The following TRPV3 variants were observed in gnomAD, a reference collection of about 807,000 sequenced individuals.
TRPV3 encodes the protein transient receptor potential cation channel subfamily V member 3.
TRPV3 carries 88 observed loss-of-function variants against 87.1 expected under a neutral mutation model. That is an observed-to-expected ratio of 1.01 (90% CI 0.85 to 1.21). TRPV3 has a LOEUF of 1.21. Among genes scored for constraint, TRPV3 ranks in the 50% most tolerant of loss-of-function variants. The pLI is 0.00. For missense variants in TRPV3, 1,054 were observed against 1,030.1 expected, an observed-to-expected ratio of 1.02 and a Z score of -0.32; for synonymous variants, 438 against 423.3, an observed-to-expected ratio of 1.03 and a Z score of -0.43.
chr17:3,524,239 C>T lies in TRPV3; in HGVS notation c.1702G>A (p.Gly568Ser). The T allele has an allele frequency of 6.2e-7, 1 of 1,614,246 alleles. No individual in the cohort carries two copies. The highest frequency in any genetic ancestry group is 8.5e-7 in the Non-Finnish European group (1 of 1,180,052). Residue 568 changes from glycine to serine, a missense_variant, in exon 13 of 18, where the codon GGT becomes AGT. By Grantham distance (56) the Gly-to-Ser change is moderately conservative (BLOSUM62 0). Transcript: ENST00000576742. ...CTGTACATGCCCATGGACTGGAAAC[C>T]CCGCGTATAGTAGAGCATGTTCGCC... Reference protein sequence around the residue: ...GWANMLYYTRGFQSMGMYSVM... With the variant: ...GWANMLYYTRSFQSMGMYSVM...
chr17:3,521,203 C>T (rs945623208), intron 13 of TRPV3, among the ~76,000 whole-genome samples, 164 bp from the exon 14 acceptor site: 37 of 146,728 alleles, frequency 2.5e-4, no homozygotes, highest in African/African-American at 9.3e-4. Context: ...CAAGGCTCAA[C>T]ACTGGATCCT....
At chr17:3,520,941 G>C in intron 14 of TRPV3, 32 bp downstream of exon 14, 1 of 1,427,076 alleles carries the variant, frequency 7.0e-7, no homozygotes, top group Non-Finnish European at 9.9e-7. Context: ...GTTTATAAAT[G>C]TGGGAGTTAC....
At chr17:3,514,523 G>T in intron 17 of TRPV3, 70 bp downstream of exon 17, 7 of 1,145,118 alleles carry the variant, frequency 6.1e-6, no homozygotes, top group South Asian at 1.2e-5. Flanking sequence ...AGGACCCTTA[G>T]ACTTGATCTG....
At chr17:3,524,387 C>T (rs561504089) in intron 12 of TRPV3, 24 bp from the exon 13 acceptor site, 75 of 1,612,532 alleles carry the variant, frequency 4.7e-5, no homozygotes, top group Middle Eastern at 1.7e-4. Context: ...ACAGGAGACA[C>T]GGGCCTTACT....
At chr17:3,529,845 A>T (rs997112270) in intron 9 of TRPV3, among the ~76,000 whole-genome samples, 182 bp downstream of exon 9, 1 of 128,874 alleles carries the variant, frequency 7.8e-6, no homozygotes, top group African/African-American at 2.9e-5. Context: ...AGTCGGGCCC[A>T]GCATCTGTCC....
At chr17:3,544,960 G>A (rs1271114478) in intron 3 of TRPV3, among the ~76,000 whole-genome samples, 1 of 152,192 alleles carries the variant, frequency 6.6e-6, no homozygotes, top group Admixed American at 6.5e-5. Context: ...GCTGCAGTGA[G>A]CTGAGATTGG....
intron 6 of TRPV3, among the ~76,000 whole-genome samples, chr17:3,536,173 C>T: frequency 1.3e-5 from 2 of 152,302 alleles, no homozygotes; most frequent in Admixed American, 1.3e-4. Flanking sequence ...GAGGGCAGAG[C>T]TTGTGCTAAG....
In TRPV3 at chr17:3,518,558, G is replaced by T; in HGVS notation, c.2085+18C>A. ...GTCCCGTGGAGGCCCCCACGCTGGG[G>T]TCTCCACCTAGGCTCACCTGCAGGC... On this transcript the variant is annotated intron_variant, in intron 15 of 17. Transcript: ENST00000576742. This position sits in a 1 kb window ranked among gnomAD's most constrained non-coding sequence, Gnocchi z 4.3. The T allele has an allele frequency of 1.3e-6, 2 of 1,545,254 alleles. No individual in the cohort carries two copies. The highest frequency in any genetic ancestry group is 1.7e-6 in the Non-Finnish European group (2 of 1,143,842).
At chr17:3,525,021 G>C (rs1438005552) in intron 12 of TRPV3, among the ~76,000 whole-genome samples, 1 of 151,952 alleles carries the variant, frequency 6.6e-6, no homozygotes, top group Non-Finnish European at 1.5e-5. Context: ...GTGTTTTTTG[G>C]GGGGGTCAGG....
intron 14 of TRPV3, 95 bp downstream of exon 14, chr17:3,520,877 CT>C: frequency 1.4e-6 from 1 of 716,904 alleles, no homozygotes; most frequent in Non-Finnish European, 2.4e-6. Context: ...GGTAGTTGGT[CT>C]AATTGTTGCC....
intron 14 of TRPV3, among the ~76,000 whole-genome samples, chr17:3,519,966 ATGAATGAT>A (rs2074231497): frequency 8.6e-6 from 1 of 115,786 alleles, no homozygotes; most frequent in Non-Finnish European, 1.8e-5. Flanking sequence ...GGATCGATGG[ATGAATGAT>A]TGGATGGATG....
Position 3,530,412 on chromosome 17 carries a change from G to A in TRPV3, c.1066-209C>T, listed in dbSNP as rs978160765. Among the ~76,000 whole-genome samples, 1 of 151,752 alleles carries A rather than the reference G, an allele frequency of 6.6e-6. No individual in the cohort carries two copies. The highest frequency in any genetic ancestry group is 1.5e-5 in the Non-Finnish European group (1 of 67,758). ...TGCTGTTCCGCCCATCTCACTGGGG[G>A]TTGTGAATACCAGGGACAAAGGGTG... is the stretch of plus-strand genomic sequence containing the variant. On this transcript the variant is annotated intron_variant, in intron 8 of 17. Coordinates refer to ENST00000576742, the MANE Select transcript of TRPV3 (RefSeq NM_145068.4). The surrounding 1 kb of genome is among the most constrained non-coding windows in gnomAD (Gnocchi z 4.0).
intron 9 of TRPV3, 42 bp from the exon 10 acceptor site, chr17:3,529,037 AGAGGGAGG>A: frequency 6.2e-7 from 1 of 1,611,976 alleles, no homozygotes; most frequent in Non-Finnish European, 8.5e-7. Flanking sequence ...GATGAGGGAG[AGAGGGAGG>A]GACCGTTTTC....
chr17:3,554,379 G>A (rs899853505), intron 2 of TRPV3: 28 of 208,492 alleles, frequency 1.3e-4, no homozygotes, highest in East Asian at 2.2e-4. Context: ...CAGAGGCTCC[G>A]GGTCACCTGG....
At chr17:3,549,031 A>AAT (rs1303077081) in intron 2 of TRPV3, among the ~76,000 whole-genome samples, 4 of 152,118 alleles carry the variant, frequency 2.6e-5, no homozygotes, top group African/African-American at 9.7e-5. Flanking sequence ...TTTTGCCCTA[A>AAT]AGTAGTCGCT....
intron 2 of TRPV3, among the ~76,000 whole-genome samples, chr17:3,546,967 C>CAAAAAAAAAAAG (rs2074532466): frequency 8.1e-6 from 1 of 123,598 alleles, no homozygotes; most frequent in South Asian, 2.5e-4. Context: ...GACTCCTTCT[C>CAAAAAAAAAAAG]AAAAAAAAAA....
chr17:3,545,214 G>C lies in TRPV3; in HGVS notation c.177C>G (p.Thr59=). 2 of 1,613,966 alleles carry C rather than the reference G, an allele frequency of 1.2e-6. No individual in the cohort carries two copies. Among genetic ancestry groups the C allele is most frequent in the Non-Finnish European group, 1.7e-6 (2 of 1,179,928 alleles). ...GFEPNPTVAK[T]SPPVFSKPMD... ...TGGGCTTGGAGAAGACAGGAGGAGA[G>C]GTCTTGGCAACTGTGGGGTTGGGTT... is the stretch of plus-strand genomic sequence containing the variant. The change falls in exon 3 of 18, where the codon ACC becomes ACG. Residue 59 remains threonine (T), a synonymous_variant. Coordinates refer to ENST00000576742, the MANE Select transcript of TRPV3 (RefSeq NM_145068.4).
chr17:3,536,453 G>T (rs2074410172), intron 6 of TRPV3, among the ~76,000 whole-genome samples: 1 of 152,108 alleles, frequency 6.6e-6, no homozygotes, highest in Admixed American at 6.6e-5. Flanking sequence ...CCGGCCGTGG[G>T]GGCGCATGCC....
intron 11 of TRPV3, chr17:3,527,792 A>C: frequency 1.8e-6 from 1 of 548,866 alleles, no homozygotes; most frequent in Non-Finnish European, 3.3e-6. Context: ...AGTGGCTGGG[A>C]AGGTAGATAA....
Sources: gnomAD v4.1 joint callset for allele counts (sites outside exome capture counted in the v4.1 genomes callset) on GRCh38, gnomAD v4.1.1 for gene constraint, Gnocchi (gnomAD v3.1) non-coding constraint, MANE v1.5 for transcripts, NCBI Gene and HGNC (gene_info 2026-07-23, HGNC 2026-07-21) for gene names.